The following KIRREL3 variants were observed in gnomAD, a reference collection of about 807,000 sequenced individuals.
The protein encoded by KIRREL3 is kirre like nephrin family adhesion molecule 3.
A neutral mutation model predicts 89.7 loss-of-function variants in KIRREL3; 36 were observed. The ratio of observed to expected loss-of-function variants is 0.40; its 90% CI spans 0.31 to 0.53. KIRREL3 has a LOEUF of 0.53. KIRREL3 is among the 20% of genes least tolerant of loss of function. The probability of loss-of-function intolerance (pLI) is 0.49; values close to 1 mark genes in which losing one functional copy is unlikely to be tolerated. For missense variants in KIRREL3, 864 were observed against 1,056.6 expected (o/e 0.82, Z 2.53); for synonymous variants, 445 against 441.4 (o/e 1.01, Z -0.10).
At chr11:126,866,845 C>T (rs1439063098) in intron 1 of KIRREL3, among the ~76,000 whole-genome samples, 6 of 152,178 alleles carry the variant, frequency 3.9e-5, no homozygotes, top group African/African-American at 1.4e-4. Context: ...AGACCACCTT[C>T]CCATTCCATT....
At position 126,490,337 on chromosome 11, in the gene KIRREL3, G is replaced by A. The variant is rs1433459255; in HGVS notation, c.434-16871C>T. Among the ~76,000 whole-genome samples, 1 of 152,128 alleles carries A rather than the reference G, an allele frequency of 6.6e-6. No individual in the cohort carries two copies. Among genetic ancestry groups the A allele is most frequent in the East Asian group, 1.9e-4 (1 of 5,190 alleles). ...GGACACAGCCGCTAGGGAGAGGTGA[G>A]CAGAGCTTTCTCCCCATGAAGTATT... On this transcript the variant is annotated intron_variant, in intron 4 of 16. Transcript: ENST00000525144. The surrounding 1 kb of genome is among the most constrained non-coding windows in gnomAD (Gnocchi z 4.2).
intron 1 of KIRREL3, among the ~76,000 whole-genome samples, chr11:126,859,614 A>G (rs1240947993): frequency 2.0e-5 from 3 of 152,212 alleles, no homozygotes; most frequent in African/African-American, 7.2e-5. Flanking sequence ...ACTCATGGAA[A>G]AGGCTTATAA....
Position 126,427,807 on chromosome 11 carries a change from CAA to C in KIRREL3, c.1806+1370_1806+1371del, listed in dbSNP as rs759219741. 2.0e-5 allele frequency among the ~76,000 whole-genome samples: 3 copies of C among 152,126 alleles called. No homozygotes were observed. The highest frequency in any genetic ancestry group is 2.9e-5 in the Non-Finnish European group (2 of 68,034). On this transcript the variant is annotated intron_variant, in intron 15 of 16. Transcript: ENST00000525144. This position sits in a 1 kb window ranked among gnomAD's most constrained non-coding sequence, Gnocchi z 5.3. ...CTCGAGGGTGGATTGAGAAAAGAGA[CAA>C]AAGACTACAAGGCTGAGACCAACTG...
At chr11:126,714,115 C>T (rs1031965606) in intron 1 of KIRREL3, among the ~76,000 whole-genome samples, 5 of 152,094 alleles carry the variant, frequency 3.3e-5, no homozygotes, top group South Asian at 2.1e-4. Context: ...ACCCTCACTC[C>T]CAGGCTGGTG....
At position 126,562,361 on chromosome 11, in the gene KIRREL3, C is replaced by G. The variant is rs1940190690; in HGVS notation, c.133+474G>C. On this transcript the variant is annotated intron_variant, in intron 2 of 16. Coordinates refer to ENST00000525144, the MANE Select transcript of KIRREL3 (RefSeq NM_032531.4). The surrounding 1 kb of genome is among the most constrained non-coding windows in gnomAD (Gnocchi z 4.7). ...GGAGTTGGGAAAGGGGGCAGGTTTC[C>G]TAGGGTAAGTTCTTTGGGAATAAAG... 1.3e-5 allele frequency among the ~76,000 whole-genome samples: 2 copies of G among 152,072 alleles called. No individual in the cohort carries two copies. The highest frequency in any genetic ancestry group is 1.3e-4 in the Admixed American group (2 of 15,274).
chr11:126,600,533 C>G (rs1942606233), intron 1 of KIRREL3, among the ~76,000 whole-genome samples: 1 of 152,136 alleles, frequency 6.6e-6, no homozygotes, highest in African/African-American at 2.4e-5. Context: ...CTTTCATACC[C>G]ACGAGCTAGC....
In KIRREL3 at chr11:126,441,968, G is replaced by A. The variant is rs1955583194; in HGVS notation, c.1253-1419C>T. 6.6e-6 allele frequency among the ~76,000 whole-genome samples: 1 copy of A among 152,090 alleles called. No individual in the cohort carries two copies. The highest frequency in any genetic ancestry group is 2.4e-5 in the African/African-American group (1 of 41,418). ...TTGTTTTATTGCTGGACTAAAACGT[G>A]ATGATAATATAAAACCTTTTCTGGT... On this transcript the variant is annotated intron_variant, in intron 10 of 16. Coordinates refer to ENST00000525144, the MANE Select transcript of KIRREL3 (RefSeq NM_032531.4). This position sits in a 1 kb window ranked among gnomAD's most constrained non-coding sequence, Gnocchi z 5.0.
chr11:126,909,050 T>C lies in KIRREL3; in HGVS notation c.55+91405A>G, dbSNP rs1432001859. On this transcript the variant is annotated intron_variant, in intron 1 of 16. Coordinates refer to ENST00000525144, the MANE Select transcript of KIRREL3 (RefSeq NM_032531.4). The surrounding 1 kb of genome is among the most constrained non-coding windows in gnomAD (Gnocchi z 4.5). ...GTTATTTTTTATTGTTGATTTGTAT[T>C]TTTCAAATATTGTCTATTCACTTGG... is the stretch of plus-strand genomic sequence containing the variant. 6.6e-6 allele frequency among the ~76,000 whole-genome samples: 1 copy of C among 152,194 alleles called. No individual in the cohort carries two copies. Among genetic ancestry groups the C allele is most frequent in the Non-Finnish European group, 1.5e-5 (1 of 68,044 alleles).
chr11:126,741,667 C>T (rs956770025), intron 1 of KIRREL3, among the ~76,000 whole-genome samples: 3 of 152,224 alleles, frequency 2.0e-5, no homozygotes, highest in African/African-American at 7.2e-5. Context: ...ACAAATCAGA[C>T]TCTTGTGCAT....
rs1949637501 is a variant in KIRREL3, at chr11:126,978,414, C to T, written c.55+22041G>A. ...GCATTCTTTTCTTTGTTAACCCAACCCCTGGCAGCAATTATGTCCTAAAGG... is the reference window on the plus strand; with the variant it reads ...GCATTCTTTTCTTTGTTAACCCAACTCCTGGCAGCAATTATGTCCTAAAGG... On this transcript the variant is annotated intron_variant, in intron 1 of 16. Transcript: ENST00000525144. This position sits in a 1 kb window ranked among gnomAD's most constrained non-coding sequence, Gnocchi z 4.2. 6.6e-6 allele frequency among the ~76,000 whole-genome samples: 1 copy of T among 152,170 alleles called. No homozygotes were observed. The highest frequency in any genetic ancestry group is 1.5e-5 in the Non-Finnish European group (1 of 68,036).
chr11:126,737,340 C>G (rs7935669), intron 1 of KIRREL3, among the ~76,000 whole-genome samples: 91,606 of 151,780 alleles, frequency 0.6, 28,544 homozygotes, highest in East Asian at 0.95. Flanking sequence ...AGCACAGAGA[C>G]GGCACAAGGC....
intron 4 of KIRREL3, among the ~76,000 whole-genome samples, chr11:126,480,121 C>A (rs994005318): frequency 5.3e-5 from 8 of 152,208 alleles, no homozygotes; most frequent in Non-Finnish European, 1.2e-4. Context: ...CACAGGGTGG[C>A]ATATGCATTT....
At chr11:126,450,487 GTGAGTGTGTGCA>G (rs1269309572) in intron 7 of KIRREL3, among the ~76,000 whole-genome samples, 16 of 141,614 alleles carry the variant, frequency 1.1e-4, no homozygotes, top group South Asian at 8.7e-4. Context: ...GTGTGTGGGT[GTGAGTGTGTGCA>G]TGTGTGCATG....
chr11:126,903,676 G>A lies in KIRREL3; in HGVS notation c.55+96779C>T, dbSNP rs533032626. Among the ~76,000 whole-genome samples the A allele has an allele frequency of 9.2e-5, 14 of 152,316 alleles. No individual in the cohort carries two copies. Among genetic ancestry groups the A allele is most frequent in the African/African-American group, 3.4e-4 (14 of 41,576 alleles). ...GTCTATTGGATTTATGACATGTTCA[G>A]AAGCTTGCAGTTGCAGGAGGCTGAC... On this transcript the variant is annotated intron_variant, in intron 1 of 16. Coordinates refer to ENST00000525144, the MANE Select transcript of KIRREL3 (RefSeq NM_032531.4). This position sits in a 1 kb window ranked among gnomAD's most constrained non-coding sequence, Gnocchi z 4.5.
At chr11:126,927,442 C>T (rs1245934755) in intron 1 of KIRREL3, among the ~76,000 whole-genome samples, 1 of 152,186 alleles carries the variant, frequency 6.6e-6, no homozygotes, top group East Asian at 1.9e-4. Context: ...GTTAACTCTG[C>T]CAGGCTTCTG....
chr11:126,463,266 G>T lies in KIRREL3; in HGVS notation c.633C>A (p.Thr211=), dbSNP rs1956608895. 1.2e-6 allele frequency: 2 copies of T among 1,613,738 alleles called. No individual in the cohort carries two copies. Among genetic ancestry groups the T allele is most frequent in the East Asian group, 2.2e-5 (1 of 44,882 alleles). Reference sequence around the variant, plus strand: ...CCACGTCACCAGGGGAGATGAAGAGGGTGCTGACGATGCTCTCCCGCTTGC... The same window carrying T: ...CCACGTCACCAGGGGAGATGAAGAGTGTGCTGACGATGCTCTCCCGCTTGC... The part of the protein sequence containing the change: ...RDGKRESIVS[T]LFISPGDVEN... The change falls in exon 6 of 17, where the codon ACC becomes ACA. Residue 211 remains threonine (T), a synonymous_variant. Transcript: ENST00000525144. The surrounding 1 kb of genome is among the most constrained non-coding windows in gnomAD (Gnocchi z 5.9).
At chr11:126,466,654 T>C (rs1956735600) in intron 5 of KIRREL3, among the ~76,000 whole-genome samples, 1 of 152,244 alleles carries the variant, frequency 6.6e-6, no homozygotes. Context: ...ACTTTTCTCA[T>C]ATGCAAATGG....
In KIRREL3 at chr11:126,529,515, G is replaced by A. The variant is rs1160427952; in HGVS notation, c.134-2828C>T. Among the ~76,000 whole-genome samples the A allele has an allele frequency of 4.0e-5, 6 of 151,832 alleles. No individual in the cohort carries two copies. In the South Asian group the frequency reaches 1.0e-3, roughly 26 times the overall value. On this transcript the variant is annotated intron_variant, in intron 2 of 16. Transcript: ENST00000525144. ...GCATCTCCCGATGCCATCTGAGCAG[G>A]CTTGGAGGTGTAGGATCCCACAGGT...
At chr11:126,865,923 C>G (rs963392134) in intron 1 of KIRREL3, among the ~76,000 whole-genome samples, 3 of 152,036 alleles carry the variant, frequency 2.0e-5, no homozygotes, top group Non-Finnish European at 4.4e-5. Flanking sequence ...TCACCTCCAC[C>G]GAGTTTCCGG....
Sources: gnomAD v4.1 joint callset for allele counts (sites outside exome capture counted in the v4.1 genomes callset) on GRCh38, gnomAD v4.1.1 for gene constraint, Gnocchi (gnomAD v3.1) non-coding constraint, MANE v1.5 for transcripts, NCBI Gene and HGNC (gene_info 2026-07-23, HGNC 2026-07-21) for gene names.